Variants in MYH13 observed in about 807,000 individuals in gnomAD.
The protein encoded by MYH13 is myosin-13.
A neutral mutation model predicts 232.1 loss-of-function variants in MYH13; 177 were observed. The observed-to-expected ratio is 0.76, with a 90% CI of 0.67 to 0.86. The LOEUF (loss-of-function observed/expected upper bound fraction) is 0.86, where lower values mean the gene tolerates loss of function less well. MYH13 is among the 40% of genes least tolerant of loss of function. The pLI is 0.00. For synonymous variants in MYH13, 884 were observed against 923.5 expected (o/e 0.96, Z 0.78); for missense variants, 2,246 against 2,405.9 (o/e 0.93, Z 1.39).
At chr17:10,302,659 T>G (rs930758051) in intron 39 of MYH13, among the ~76,000 whole-genome samples, 1 of 152,110 alleles carries the variant, frequency 6.6e-6, no homozygotes, top group Admixed American at 6.6e-5. Context: ...GAAACACTGA[T>G]TTTAGCCCAT....
At chr17:10,348,639 T>C (rs2071685779) in intron 12 of MYH13, among the ~76,000 whole-genome samples, 2 of 152,128 alleles carry the variant, frequency 1.3e-5, no homozygotes, top group African/African-American at 4.8e-5. Flanking sequence ...TACTGAGGTA[T>C]ATCAATACGT....
intron 24 of MYH13, among the ~76,000 whole-genome samples, 171 bp from the exon 25 acceptor site, chr17:10,320,667 C>G (rs1906908552): frequency 6.6e-6 from 1 of 152,268 alleles, no homozygotes. Context: ...CCCCTCTCTT[C>G]TGTCTTCCAG....
chr17:10,307,993 C>T (rs1906348734), intron 35 of MYH13, among the ~76,000 whole-genome samples: 1 of 152,000 alleles, frequency 6.6e-6, no homozygotes, highest in Admixed American at 6.6e-5. Flanking sequence ...GTAGAATAGC[C>T]TACTTTTCTG....
Position 10,308,327 on chromosome 17 carries a change from CAA to C in MYH13, c.5169+905_5169+906del, listed in dbSNP as rs35385439. 2.4e-3 allele frequency among the ~76,000 whole-genome samples: 296 copies of C among 123,776 alleles called. 1 individual carries two copies. The highest frequency in any genetic ancestry group is 5.6e-3 in the African/African-American group (183 of 32,726). 81.2% of individuals were successfully genotyped at this position (123,776 alleles called of 152,430 possible). A position where few individuals can be genotyped will look rare whatever the true frequency, so the allele number is the denominator to read the frequency against. ...GACAGAAAGAGACTCTGCTCTGTCTCAAAAAAAAAAAAAAAAGATGTCAAAAT... is the reference window on the plus strand; with the variant it reads ...GACAGAAAGAGACTCTGCTCTGTCTCAAAAAAAAAAAAAAGATGTCAAAAT... On this transcript the variant is annotated intron_variant, in intron 35 of 40. Coordinates refer to ENST00000252172, the MANE Select transcript of MYH13 (RefSeq NM_003802.3).
intron 37 of MYH13, 103 bp from the exon 38 acceptor site, chr17:10,303,601 G>C (rs927092127): frequency 1.0e-5 from 10 of 980,042 alleles, no homozygotes; most frequent in African/African-American, 1.6e-5. Flanking sequence ...ATCCCCTAAT[G>C]GTCATTAAAA....
In MYH13 at chr17:10,306,587, T is replaced by A; in HGVS notation, c.5338A>T (p.Ser1780Cys). 1.2e-6 allele frequency: 2 copies of A among 1,614,174 alleles called. No homozygotes were observed. Among genetic ancestry groups the A allele is most frequent in the Non-Finnish European group, 1.7e-6 (2 of 1,180,038 alleles). ...TTCTTCATCCGCTCCAGGTGGGCGC[T>A]GGTGTCCTGTTCCTTCTTTAGCTCC... ...AEELKKEQDTSAHLERMKKNL... is the reference protein window; with the variant it reads ...AEELKKEQDTCAHLERMKKNL... Residue 1780 changes from serine (S) to cysteine (C), a missense_variant, in exon 37 of 41, where the codon AGC becomes TGC. Transcript: ENST00000252172. The surrounding 1 kb of genome is among the most constrained non-coding windows in gnomAD (Gnocchi z 4.3).
intron 22 of MYH13, among the ~76,000 whole-genome samples, chr17:10,326,260 G>A (rs1272874680): frequency 6.6e-6 from 1 of 152,182 alleles, no homozygotes; most frequent in Non-Finnish European, 1.5e-5. Flanking sequence ...CTTGTTCCAA[G>A]AGCTGTTCTC....
intron 7 of MYH13, 81 bp downstream of exon 7, chr17:10,359,879 C>T (rs1457030389): frequency 1.6e-6 from 2 of 1,286,268 alleles, no homozygotes; most frequent in Non-Finnish European, 2.3e-6. Context: ...TGAGCGCATA[C>T]CCTGCATACA....
Position 10,350,568 on chromosome 17 carries a change from C to T in MYH13, c.1132G>A (p.Asp378Asn). Residue 378 changes from aspartate (D) to asparagine (N), a missense_variant, in exon 12 of 41, where the codon GAC becomes AAC. Coordinates refer to ENST00000252172, the MANE Select transcript of MYH13 (RefSeq NM_003802.3). The stretch of plus-strand genomic sequence containing the variant: ...CAGATGCAGTTACCTTCGGTGCCGT[C>T]TGGCTCCGCCTGCTCCTCACGCTGC... The part of the protein sequence containing the change: ...QKQREEQAEP[D>N]GTEVADKAGY... 6.2e-7 allele frequency: 1 copy of T among 1,612,898 alleles called. No homozygotes were observed. The highest frequency in any genetic ancestry group is 8.5e-7 in the Non-Finnish European group (1 of 1,179,874).
At chr17:10,350,242 A>G (rs571685633) in intron 12 of MYH13, among the ~76,000 whole-genome samples, 1 of 152,306 alleles carries the variant, frequency 6.6e-6, no homozygotes, top group East Asian at 1.9e-4. Flanking sequence ...AAGTTCACCT[A>G]ACAATATTGT....
intron 12 of MYH13, among the ~76,000 whole-genome samples, chr17:10,348,242 C>T (rs2071683025): frequency 6.6e-6 from 1 of 152,178 alleles, no homozygotes. Context: ...TCTCTCTTGC[C>T]CCTGACATTC....
Position 10,333,093 on chromosome 17 carries a change from A to G in MYH13, c.2155T>C (p.Tyr719His), listed in dbSNP as rs1221767620. The change falls in exon 19 of 41, where the codon TAT (tyrosine) becomes CAT (histidine). Residue 719 changes from tyrosine (Y) to histidine (H), a missense_variant. By Grantham distance (83) the Tyr-to-His change is moderately conservative (BLOSUM62 2). Coordinates refer to ENST00000252172, the MANE Select transcript of MYH13 (RefSeq NM_003802.3). ...ACCTACCGCTGCTTGAAGTCAGCATAGAGGATCCGGCTGGGGAATCCCTTC... is the reference window on the plus strand; with the variant it reads ...ACCTACCGCTGCTTGAAGTCAGCATGGAGGATCCGGCTGGGGAATCCCTTC... Reference protein sequence around the residue: ...CRKGFPSRILYADFKQRYRIL... With the variant: ...CRKGFPSRILHADFKQRYRIL... The G allele has an allele frequency of 1.3e-6, 2 of 1,551,276 alleles. No individual in the cohort carries two copies. Among genetic ancestry groups the G allele is most frequent in the South Asian group, 2.4e-5 (2 of 84,056 alleles).
Position 10,306,220 on chromosome 17 carries a change from ATGTGTGTGTGTGTGTG to A in MYH13, c.5466+223_5466+238del, listed in dbSNP as rs34889608. On this transcript the variant is annotated intron_variant, in intron 37 of 40. Coordinates refer to ENST00000252172, the MANE Select transcript of MYH13 (RefSeq NM_003802.3). The surrounding 1 kb of genome is among the most constrained non-coding windows in gnomAD (Gnocchi z 4.3). ...CTGAGGTGTGAGCATACCAAAATAGATGTGTGTGTGTGTGTGTGTGTGTGTGTGTGTGTGTGTGTGT... is the reference window on the plus strand; with the variant it reads ...CTGAGGTGTGAGCATACCAAAATAGATGTGTGTGTGTGTGTGTGTGTGTGT... Among the ~76,000 whole-genome samples, 522 of 130,036 alleles carry A rather than the reference ATGTGTGTGTGTGTGTG, an allele frequency of 4.0e-3. 4 individuals carry two copies. The highest frequency in any genetic ancestry group is 0.011 in the East Asian group (49 of 4,498). The allele number at this position is 130,036 out of a possible 152,430, so 85.3% of individuals were successfully genotyped here. A position where few individuals can be genotyped will look rare whatever the true frequency, so the allele number is the denominator to read the frequency against.
intron 27 of MYH13, among the ~76,000 whole-genome samples, chr17:10,316,681 A>AC (rs1906725649): frequency 6.6e-6 from 1 of 152,242 alleles, no homozygotes; most frequent in African/African-American, 2.4e-5. Flanking sequence ...TTCAGATGAC[A>AC]GTGTTAAGCA....
chr17:10,302,236 CTG>C (rs1479779825), intron 39 of MYH13, among the ~76,000 whole-genome samples: 3 of 152,140 alleles, frequency 2.0e-5, no homozygotes, highest in African/African-American at 7.2e-5. Flanking sequence ...CAGTTCAAAT[CTG>C]CTTCCCTGAG....
chr17:10,350,524 C>T (rs1464534928), intron 12 of MYH13, 32 bp downstream of exon 12: 2 of 1,605,522 alleles, frequency 1.2e-6, no homozygotes, highest in East Asian at 2.2e-5. Flanking sequence ...CATAGATGGA[C>T]CCAATCGCAT....
chr17:10,322,434 C>T (rs188029948), intron 23 of MYH13, among the ~76,000 whole-genome samples: 229 of 152,070 alleles, frequency 1.5e-3, no homozygotes, highest in Non-Finnish European at 2.5e-3. Flanking sequence ...AAATTCAGAA[C>T]GGGAGTGCTG....
intron 21 of MYH13, among the ~76,000 whole-genome samples, chr17:10,329,883 C>G (rs1907351259): frequency 6.6e-6 from 1 of 152,030 alleles, no homozygotes; most frequent in African/African-American, 2.4e-5. Context: ...GCCTGTAATC[C>G]CAGCTACTAG....
At chr17:10,366,067 A>G (rs2071834299) in intron 2 of MYH13, among the ~76,000 whole-genome samples, 1 of 152,028 alleles carries the variant, frequency 6.6e-6, no homozygotes, top group African/African-American at 2.4e-5. Flanking sequence ...AGCACTGATC[A>G]AACCACTTAA....
Sources: allele counts gnomAD v4.1 joint callset (sites outside exome capture counted in the v4.1 genomes callset), GRCh38; gene constraint gnomAD v4.1.1; non-coding constraint Gnocchi (gnomAD v3.1); transcripts MANE v1.5; gene names NCBI Gene and HGNC (gene_info 2026-07-23, HGNC 2026-07-21).